STAG1: variants seen among roughly 807,000 people sequenced by gnomAD.
STAG1 encodes the protein STAG1 cohesin complex component, also known as cohesin subunit SA-1.
A neutral mutation model predicts 170.9 loss-of-function variants in STAG1; 26 were observed. The observed-to-expected ratio is 0.15, with a 90% CI of 0.11 to 0.21. STAG1 has a LOEUF of 0.21. STAG1 is among the 10% of genes least tolerant of loss of function. The pLI is 1.00. For missense variants in STAG1, 964 were observed against 1,509.5 expected (o/e 0.64, Z 5.99); for synonymous variants, 514 against 497.7 (o/e 1.03, Z -0.44).
intron 1 of STAG1, among the ~76,000 whole-genome samples, chr3:136,724,336 T>C (rs1011565174): frequency 2.0e-5 from 3 of 151,794 alleles, no homozygotes. Context: ...ACATGTGCTG[T>C]GTCCACTCAG....
chr3:136,615,424 CAAAAA>C (rs35713077), intron 3 of STAG1, among the ~76,000 whole-genome samples: 6 of 33,262 alleles, frequency 1.8e-4, no homozygotes, highest in African/African-American at 4.3e-4. Context: ...AGACTTTGTC[CAAAAA>C]AAAAAAAAAA....
intron 1 of STAG1, among the ~76,000 whole-genome samples, chr3:136,697,490 G>A (rs1202173438): frequency 6.6e-6 from 1 of 152,168 alleles, no homozygotes; most frequent in Admixed American, 6.5e-5. Context: ...CTGGGGATGA[G>A]ATCCAGCCAC....
chr3:136,545,099 A>C (rs1936096611), intron 5 of STAG1, among the ~76,000 whole-genome samples: 1 of 151,760 alleles, frequency 6.6e-6, no homozygotes, highest in Non-Finnish European at 1.5e-5. Flanking sequence ...TCCAAGATGG[A>C]GTGCAATGGC....
At chr3:136,501,879 T>G (rs1933498242) in intron 8 of STAG1, among the ~76,000 whole-genome samples, 1 of 152,068 alleles carries the variant, frequency 6.6e-6, no homozygotes, top group African/African-American at 2.4e-5. Context: ...TAAAAATGTT[T>G]CCTATTAAAA....
intron 1 of STAG1, among the ~76,000 whole-genome samples, chr3:136,638,981 A>G (rs997592497): frequency 6.6e-6 from 1 of 152,066 alleles, no homozygotes; most frequent in African/African-American, 2.4e-5. Context: ...CACAGTCTTT[A>G]AAACAGCTAA....
At chr3:136,373,651 G>C (rs1383189394) in intron 23 of STAG1, among the ~76,000 whole-genome samples, 1 of 152,160 alleles carries the variant, frequency 6.6e-6, no homozygotes, top group Non-Finnish European at 1.5e-5. Flanking sequence ...CCATGCAGTT[G>C]AGCGGTTTTG....
At chr3:136,471,615 A>G (rs1307438085) in intron 12 of STAG1, among the ~76,000 whole-genome samples, 3 of 152,184 alleles carry the variant, frequency 2.0e-5, no homozygotes, top group Admixed American at 6.5e-5. Context: ...AGGATTTGTT[A>G]TGTATGACTT....
At chr3:136,416,873 T>C (rs1576444840) in intron 21 of STAG1, among the ~76,000 whole-genome samples, 1 of 142,938 alleles carries the variant, frequency 7.0e-6, no homozygotes, top group African/African-American at 2.6e-5. Flanking sequence ...TGAGACAGAG[T>C]CTCACTCTGT....
chr3:136,729,272 T>C (rs534860879), intron 1 of STAG1, among the ~76,000 whole-genome samples: 20 of 152,080 alleles, frequency 1.3e-4, no homozygotes, highest in African/African-American at 4.6e-4. Flanking sequence ...TCCCAAAGTG[T>C]TGGGATTACA....
intron 9 of STAG1, among the ~76,000 whole-genome samples, chr3:136,486,562 A>C (rs2090017213): frequency 6.6e-6 from 1 of 152,172 alleles, no homozygotes; most frequent in Non-Finnish European, 1.5e-5. Flanking sequence ...CTGCTATACT[A>C]CCCTTGTAAA....
At chr3:136,446,094 T>G (rs1001363539) in intron 14 of STAG1, among the ~76,000 whole-genome samples, 1 of 152,212 alleles carries the variant, frequency 6.6e-6, no homozygotes, top group Non-Finnish European at 1.5e-5. Context: ...TTTTATTTTC[T>G]AGCATTTATC....
At chr3:136,601,639 A>T (rs1229645345) in intron 4 of STAG1, among the ~76,000 whole-genome samples, 3 of 152,088 alleles carry the variant, frequency 2.0e-5, no homozygotes, top group Non-Finnish European at 4.4e-5. Flanking sequence ...ACACGGTGAA[A>T]GCCTATCTCT....
chr3:136,474,163 A>G (rs1298792906), intron 10 of STAG1, among the ~76,000 whole-genome samples: 3 of 152,204 alleles, frequency 2.0e-5, no homozygotes, highest in Non-Finnish European at 2.9e-5. Flanking sequence ...GCTATTTATT[A>G]GTGGAATGTC....
At chr3:136,346,819 C>G (rs1342334986) in intron 29 of STAG1, among the ~76,000 whole-genome samples, 1 of 152,202 alleles carries the variant, frequency 6.6e-6, no homozygotes, top group African/African-American at 2.4e-5. Context: ...TGAAGAATGG[C>G]TAGGCGCAAT....
chr3:136,614,226 CAAATA>C (rs1939462606), intron 3 of STAG1, among the ~76,000 whole-genome samples: 1 of 152,034 alleles, frequency 6.6e-6, no homozygotes, highest in Non-Finnish European at 1.5e-5. Flanking sequence ...AAAAAATAAA[CAAATA>C]AAATAAAAAA....
chr3:136,616,454 C>G (rs1158635216), intron 3 of STAG1, among the ~76,000 whole-genome samples: 1 of 151,916 alleles, frequency 6.6e-6, no homozygotes, highest in Non-Finnish European at 1.5e-5. Flanking sequence ...GAAGAAAATT[C>G]TAAATGAAAA....
At chr3:136,447,699 C>T (rs374147721) in intron 14 of STAG1, among the ~76,000 whole-genome samples, 4 of 147,206 alleles carry the variant, frequency 2.7e-5, no homozygotes, top group African/African-American at 9.9e-5. Context: ...CTCCGCCTCC[C>T]GGGTTCATGT....
At chr3:136,553,132 C>A (rs1354378090) in intron 5 of STAG1, among the ~76,000 whole-genome samples, 1 of 152,008 alleles carries the variant, frequency 6.6e-6, no homozygotes, top group East Asian at 1.9e-4. Context: ...GGGAACAATT[C>A]CATGGACCAA....
chr3:136,504,931 T>C (rs931447095), intron 7 of STAG1, among the ~76,000 whole-genome samples: 3 of 152,188 alleles, frequency 2.0e-5, no homozygotes, highest in Non-Finnish European at 4.4e-5. Flanking sequence ...AGACAAGACA[T>C]GTTAAAAATG....
Sources: gnomAD v4.1 joint callset for allele counts (sites outside exome capture counted in the v4.1 genomes callset) on GRCh38, gnomAD v4.1.1 for gene constraint, MANE v1.5 for transcripts, NCBI Gene and HGNC (gene_info 2026-07-23, HGNC 2026-07-21) for gene names.